The following NRG4 variants were observed in gnomAD, a reference collection of about 807,000 sequenced individuals.
The protein encoded by NRG4 is pro-neuregulin-4, membrane-bound isoform.
NRG4 carries 10 observed loss-of-function variants against 15.0 expected under a neutral mutation model. That is an observed-to-expected ratio of 0.67 (90% CI 0.41 to 1.13). NRG4 has a LOEUF of 1.13. Among genes scored for constraint, NRG4 ranks in the 50% most tolerant of loss-of-function variants. The pLI is 0.00. For synonymous variants in NRG4, 41 were observed against 50.1 expected (o/e 0.82, Z 0.77); for missense variants, 139 against 140.2 (o/e 0.99, Z 0.04).
chr15:75,968,585 T>TAAAAAA (rs71140190), intron 3 of NRG4, among the ~76,000 whole-genome samples: 1 of 99,124 alleles, frequency 1.0e-5, no homozygotes, highest in Non-Finnish European at 2.0e-5. Context: ...AAACTCCATC[T>TAAAAAA]AAAAAAAAAA....
chr15:76,046,553 T>C (rs1396723382), intron 4 of NRG4, among the ~76,000 whole-genome samples: 2 of 151,098 alleles, frequency 1.3e-5, no homozygotes, highest in Non-Finnish European at 2.9e-5. Context: ...ATCCACACAT[T>C]TATTGCCAAC....
At chr15:76,051,245 T>A (rs896067285) in intron 4 of NRG4, among the ~76,000 whole-genome samples, 1 of 149,806 alleles carries the variant, frequency 6.7e-6, no homozygotes, top group African/African-American at 2.5e-5. Context: ...GACCTCGTGA[T>A]CCGCCCGCCT....
At chr15:75,989,833 G>A (rs1474738804) in intron 3 of NRG4, among the ~76,000 whole-genome samples, 1 of 152,046 alleles carries the variant, frequency 6.6e-6, no homozygotes, top group East Asian at 1.9e-4. Flanking sequence ...TGCTGAACAT[G>A]AATCTTACAT....
chr15:75,937,601 G>T (rs1304188991), downstream of NRG4: 1 of 148,268 alleles, frequency 6.7e-6, no homozygotes, highest in Non-Finnish European at 1.5e-5. Context: ...CCAAAAGAAT[G>T]CCCAATCATC....
chr15:76,057,489 G>C (rs1315593823), intron 1 of NRG4, among the ~76,000 whole-genome samples: 1 of 152,174 alleles, frequency 6.6e-6, no homozygotes, highest in Non-Finnish European at 1.5e-5. Flanking sequence ...AGGCCTCAGG[G>C]TATTTGAAAA....
intron 2 of NRG4, among the ~76,000 whole-genome samples, chr15:76,055,623 CTAAAT>C (rs1221346088): frequency 6.6e-6 from 1 of 152,024 alleles, no homozygotes; most frequent in Admixed American, 6.6e-5. Flanking sequence ...TGGGAGTTCT[CTAAAT>C]TAATTTCCAT....
At chr15:75,956,857 G>A (rs2032266537) in intron 4 of NRG4, among the ~76,000 whole-genome samples, 1 of 152,084 alleles carries the variant, frequency 6.6e-6, no homozygotes, top group South Asian at 2.1e-4. Context: ...AGTTCACATG[G>A]TCACTACAGG....
chr15:76,036,576 A>T (rs2035601758), intron 4 of NRG4, among the ~76,000 whole-genome samples: 1 of 152,172 alleles, frequency 6.6e-6, no homozygotes, highest in African/African-American at 2.4e-5. Context: ...TTGGGAGAAA[A>T]ATCATTGTGT....
chr15:75,993,636 T>C (rs1264722433), intron 3 of NRG4, among the ~76,000 whole-genome samples: 1 of 151,626 alleles, frequency 6.6e-6, no homozygotes, highest in East Asian at 1.9e-4. Flanking sequence ...GAGGCGGAGG[T>C]TGCAGTGAGC....
chr15:75,991,136 G>T (rs2034000011), intron 3 of NRG4, among the ~76,000 whole-genome samples: 1 of 152,046 alleles, frequency 6.6e-6, no homozygotes, highest in African/African-American at 2.4e-5. Context: ...CTAAGGCAGG[G>T]GTTAGAAAAA....
At chr15:76,040,981 A>C (rs2035722744) in intron 4 of NRG4, among the ~76,000 whole-genome samples, 1 of 152,228 alleles carries the variant, frequency 6.6e-6, no homozygotes, top group Non-Finnish European at 1.5e-5. Flanking sequence ...CAGAACTGTA[A>C]GATATAAATA....
At chr15:76,021,946 C>G (rs1385285295) in intron 5 of NRG4, among the ~76,000 whole-genome samples, 1 of 152,180 alleles carries the variant, frequency 6.6e-6, no homozygotes, top group African/African-American at 2.4e-5. Context: ...TATTCTACCT[C>G]AGGTCATCTG....
intron 3 of NRG4, among the ~76,000 whole-genome samples, chr15:75,998,582 G>C (rs1000491310): frequency 2.0e-5 from 3 of 152,160 alleles, no homozygotes; most frequent in African/African-American, 7.2e-5. Flanking sequence ...AACAATAATA[G>C]GGGCCATATC....
At chr15:75,998,034 C>G (rs535448889) in intron 3 of NRG4, among the ~76,000 whole-genome samples, 1 of 152,316 alleles carries the variant, frequency 6.6e-6, no homozygotes, top group African/African-American at 2.4e-5. Flanking sequence ...ACTTGGGTTT[C>G]AGATCACTCT....
intron 5 of NRG4, among the ~76,000 whole-genome samples, chr15:76,035,494 T>C (rs953403591): frequency 9.9e-5 from 15 of 152,154 alleles, no homozygotes; most frequent in African/African-American, 3.4e-4. Flanking sequence ...CCACTAAGAA[T>C]ATCTGCCACT....
At chr15:76,036,277 T>C (rs1422155531) in intron 4 of NRG4, among the ~76,000 whole-genome samples, 1 of 152,222 alleles carries the variant, frequency 6.6e-6, no homozygotes, top group Admixed American at 6.5e-5. Context: ...ACTGATTATA[T>C]TGGCATAAAC....
At chr15:75,972,004 A>G (rs994049602) in intron 3 of NRG4, among the ~76,000 whole-genome samples, 2 of 152,090 alleles carry the variant, frequency 1.3e-5, no homozygotes, top group African/African-American at 4.8e-5. Flanking sequence ...AAGCATTCCT[A>G]TTTCTCCATA....
At position 76,023,168 on chromosome 15, in the gene NRG4, ACACACACACACACAC is replaced by A. The variant is rs1567116183; in HGVS notation, c.-56-11897_-56-11883del. Among the ~76,000 whole-genome samples, 11 of 146,672 alleles carry A rather than the reference ACACACACACACACAC, an allele frequency of 7.5e-5. No homozygotes were observed. In the South Asian group the frequency reaches 1.5e-3, roughly 20 times the overall value. On this transcript the variant is annotated intron_variant, in intron 5 of 8. Coordinates refer to the NRG4 transcript ENST00000563910. The stretch of plus-strand genomic sequence containing the variant: ...CACACACACACACACACACACACAC[ACACACACACACACAC>A]AAGCAAGGACCAAGGCAATGAATAA...
At chr15:75,938,522 G>A (rs958172226), downstream of NRG4, 2 of 152,010 alleles carry the variant, frequency 1.3e-5, no homozygotes, top group Admixed American at 6.5e-5. Flanking sequence ...AGGAAAACAT[G>A]AACAAAGAAT....
Sources: gnomAD v4.1 joint callset for allele counts (sites outside exome capture counted in the v4.1 genomes callset) on GRCh38, gnomAD v4.1.1 for gene constraint, MANE v1.5 for transcripts, NCBI Gene and HGNC (gene_info 2026-07-23, HGNC 2026-07-21) for gene names.